Variants in MAPK10 observed in about 807,000 individuals in gnomAD.
MAPK10 encodes mitogen-activated protein kinase 10.
MAPK10 carries 25 observed loss-of-function variants against 59.3 expected under a neutral mutation model. The ratio of observed to expected loss-of-function variants is 0.42; its 90% CI spans 0.31 to 0.59. The LOEUF (loss-of-function observed/expected upper bound fraction) is 0.59. MAPK10 is among the 20% of genes least tolerant of loss of function. The pLI is 0.15. For missense variants in MAPK10, 351 were observed against 568.9 expected (o/e 0.62, Z 3.90); for synonymous variants, 190 against 200.5 (o/e 0.95, Z 0.44).
intron 2 of MAPK10, chr4:86,340,581 T>C (rs1724320103): frequency 6.6e-6 from 1 of 152,058 alleles, no homozygotes; most frequent in African/African-American, 2.4e-5. Flanking sequence ...CCCCTGACAC[T>C]TGGGGATTAC....
chr4:86,502,484 A>G (rs1279739167), intron 1 of MAPK10, among the ~76,000 whole-genome samples: 2 of 152,004 alleles, frequency 1.3e-5, no homozygotes, highest in Non-Finnish European at 2.9e-5. Flanking sequence ...TCTCTTGACC[A>G]TTCCTTTGAA....
intron 3 of MAPK10, among the ~76,000 whole-genome samples, chr4:86,180,242 C>A (rs764650326): frequency 5.3e-5 from 8 of 151,942 alleles, no homozygotes; most frequent in Non-Finnish European, 1.0e-4. Flanking sequence ...CACTCAACAT[C>A]ACTAATCATC....
chr4:86,101,752 G>A (rs796670039), intron 7 of MAPK10, 142 bp downstream of exon 7: 34 of 786,492 alleles, frequency 4.3e-5, no homozygotes, highest in Admixed American at 3.6e-4. Flanking sequence ...TCTACAATTA[G>A]TGAACTAGGT....
chr4:86,201,446 T>G (rs949488114), intron 2 of MAPK10, among the ~76,000 whole-genome samples: 1 of 151,844 alleles, frequency 6.6e-6, no homozygotes. Context: ...TTTGAGAAAT[T>G]TTTATATGTT....
At chr4:86,346,990 T>C (rs1728637173) in intron 2 of MAPK10, among the ~76,000 whole-genome samples, 1 of 152,110 alleles carries the variant, frequency 6.6e-6, no homozygotes. Context: ...TAGAATTGCA[T>C]TCATTCTTAA....
chr4:86,280,158 T>C (rs1583981242), intron 2 of MAPK10, among the ~76,000 whole-genome samples: 2 of 151,970 alleles, frequency 1.3e-5, no homozygotes, highest in South Asian at 4.1e-4. Context: ...AAACTATCAA[T>C]AGAGTAAACA....
At chr4:86,432,620 A>C (rs1442433913) in intron 1 of MAPK10, among the ~76,000 whole-genome samples, 1 of 152,130 alleles carries the variant, frequency 6.6e-6, no homozygotes. Flanking sequence ...GTCTTCAGAA[A>C]ACAGACTCTA....
At chr4:86,026,779 A>T (rs1253990170) in intron 13 of MAPK10, 1 of 152,236 alleles carries the variant, frequency 6.6e-6, no homozygotes, top group Non-Finnish European at 1.5e-5. Flanking sequence ...AATGCAAAAA[A>T]GCTGACTTTT....
At chr4:86,078,591 G>GTA (rs112023213) in intron 9 of MAPK10, among the ~76,000 whole-genome samples, 58,635 of 147,602 alleles carry the variant, frequency 0.4, 11,502 homozygotes, top group African/African-American at 0.44. Context: ...AAATACATAT[G>GTA]TATATATATA....
chr4:86,273,389 A>G (rs2094488764), intron 2 of MAPK10, among the ~76,000 whole-genome samples: 1 of 152,002 alleles, frequency 6.6e-6, no homozygotes, highest in Non-Finnish European at 1.5e-5. Context: ...AATAAAATCA[A>G]CTGGGAAATA....
chr4:86,364,094 TTTATTG>T (rs1284479746), upstream of MAPK10, among the ~76,000 whole-genome samples: 3 of 85,586 alleles, frequency 3.5e-5, no homozygotes, highest in African/African-American at 9.5e-5. Context: ...CTTGAAACTC[TTTATTG>T]TTGTTGTTGT....
At chr4:86,225,939 T>C (rs1458797135) in intron 2 of MAPK10, among the ~76,000 whole-genome samples, 1 of 152,200 alleles carries the variant, frequency 6.6e-6, no homozygotes, top group African/African-American at 2.4e-5. Flanking sequence ...GACATGGACA[T>C]GCACATTCAT....
intron 1 of MAPK10, chr4:86,358,730 C>T (rs1735761728): frequency 1.3e-5 from 2 of 152,168 alleles, no homozygotes; most frequent in South Asian, 4.1e-4. Context: ...GATTTACTTA[C>T]AGATTTTCCA....
intron 1 of MAPK10, among the ~76,000 whole-genome samples, chr4:86,497,219 T>C (rs190941278): frequency 6.6e-6 from 1 of 152,310 alleles, no homozygotes; most frequent in African/African-American, 2.4e-5. Context: ...GATGAGGCTA[T>C]TGTCAGGAAT....
chr4:86,398,975 T>A (rs1417304880), intron 1 of MAPK10, among the ~76,000 whole-genome samples: 2 of 152,208 alleles, frequency 1.3e-5, no homozygotes, highest in Non-Finnish European at 2.9e-5. Flanking sequence ...CCATGGTGCA[T>A]AGGTACCACA....
rs142259265 is a variant in MAPK10 at position 86,543,775 on chromosome 4, G to T, written c.-263+50135C>A. ...AGTCAAGCTGGGTCCAAAAAAAACA[G>T]GAACGGGAATGTTTCAAGAAGGGAT... On this transcript the variant is annotated intron_variant, in intron 1 of 4. Coordinates refer to the MAPK10 transcript ENST00000502302. Among the ~76,000 whole-genome samples the T allele has an allele frequency of 1.1e-3, 162 of 152,178 alleles. 1 individual carries two copies. The highest frequency in any genetic ancestry group is 5.6e-3 in the Admixed American group (86 of 15,280).
intron 1 of MAPK10, among the ~76,000 whole-genome samples, chr4:86,448,735 T>G (rs896310348): frequency 1.3e-5 from 2 of 152,180 alleles, no homozygotes; most frequent in African/African-American, 4.8e-5. Context: ...GGCTTCAGGA[T>G]GATTCAAGTG....
chr4:86,380,515 C>T (rs957980702), intron 1 of MAPK10, among the ~76,000 whole-genome samples: 2 of 152,158 alleles, frequency 1.3e-5, no homozygotes, highest in Admixed American at 1.3e-4. Context: ...ACCATTTTAG[C>T]CCTGAGCTTC....
At chr4:86,500,546 A>G (rs369763098) in intron 1 of MAPK10, among the ~76,000 whole-genome samples, 198 of 152,200 alleles carry the variant, frequency 1.3e-3, no homozygotes, top group African/African-American at 4.6e-3. Context: ...AATTACACCT[A>G]TGCTCCTTTC....
Sources: gnomAD v4.1 joint callset for allele counts (sites outside exome capture counted in the v4.1 genomes callset) on GRCh38, gnomAD v4.1.1 for gene constraint, MANE v1.5 for transcripts, NCBI Gene and HGNC (gene_info 2026-07-23, HGNC 2026-07-21) for gene names.